Variants in HPSE2 observed in about 807,000 individuals in gnomAD.
HPSE2 encodes the protein heparanase 2 (inactive).
Under a neutral mutation model 60.5 loss-of-function variants are expected in HPSE2, and 38 were observed. The ratio of observed to expected loss-of-function variants is 0.63; its 90% confidence interval spans 0.48 to 0.82. The LOEUF is 0.82. Among genes scored for constraint, HPSE2 ranks in the 40% least tolerant of loss-of-function variants. The probability of loss-of-function intolerance (pLI) is 0.00; values close to 1 mark genes in which losing one functional copy is unlikely to be tolerated. For missense variants in HPSE2, 713 were observed against 740.4 expected, an observed-to-expected ratio of 0.96 and a Z score of 0.43; for synonymous variants, 295 against 293.2, an observed-to-expected ratio of 1.01 and a Z score of -0.06.
Position 98,936,746 on chromosome 10 carries a change from C to T in HPSE2, c.611-192690G>A, listed in dbSNP as rs766774847. On this transcript the variant is annotated intron_variant, in intron 3 of 11. Coordinates refer to ENST00000370552, the MANE Select transcript of HPSE2 (RefSeq NM_021828.5). Reference sequence around the variant, plus strand: ...CTGTAATCCCAGCACTTTGGGAGGCCGAGGTGGGTGGATTATGAGGTCAGA... The same window carrying T: ...CTGTAATCCCAGCACTTTGGGAGGCTGAGGTGGGTGGATTATGAGGTCAGA... Among the ~76,000 whole-genome samples, 7 of 142,162 alleles carry T rather than the reference C, an allele frequency of 4.9e-5. 2 individuals carry two copies. The highest frequency in any genetic ancestry group is 9.0e-5 in the Non-Finnish European group (6 of 66,792). The allele number at this position is 142,162 out of a possible 152,430, so 93.3% of individuals were successfully genotyped here.
intron 3 of HPSE2, among the ~76,000 whole-genome samples, chr10:98,837,225 C>T (rs192257303): frequency 6.6e-6 from 1 of 152,286 alleles, no homozygotes; most frequent in East Asian, 1.9e-4. Flanking sequence ...CATTAATACT[C>T]ATAGTTTGAA....
chr10:99,065,436 A>C (rs1842583567), intron 3 of HPSE2, among the ~76,000 whole-genome samples: 1 of 152,182 alleles, frequency 6.6e-6, no homozygotes, highest in Non-Finnish European at 1.5e-5. Context: ...AAAAAACAAA[A>C]CAAAACAAAG....
intron 3 of HPSE2, among the ~76,000 whole-genome samples, chr10:98,761,868 G>A (rs188743300): frequency 7.2e-5 from 11 of 152,192 alleles, no homozygotes; most frequent in Middle Eastern, 3.4e-3. Flanking sequence ...TGTGATAGGC[G>A]CTAAAAGTAG....
intron 3 of HPSE2, among the ~76,000 whole-genome samples, chr10:98,895,619 TA>T (rs1158020380): frequency 6.6e-6 from 1 of 152,048 alleles, no homozygotes; most frequent in East Asian, 1.9e-4. Context: ...CTGCCTTACT[TA>T]AAAACTCATG....
chr10:99,155,788 C>T (rs1265123293), intron 2 of HPSE2, among the ~76,000 whole-genome samples: 1 of 147,096 alleles, frequency 6.8e-6, no homozygotes, highest in South Asian at 2.2e-4. Flanking sequence ...ACACAAAAAA[C>T]CCTTCAAAAA....
intron 9 of HPSE2, among the ~76,000 whole-genome samples, chr10:98,512,755 G>C (rs1410688612): frequency 7.2e-6 from 1 of 138,850 alleles, no homozygotes; most frequent in East Asian, 2.2e-4. Context: ...GGGCCTTTCT[G>C]TTTCTCCACT....
intron 3 of HPSE2, among the ~76,000 whole-genome samples, chr10:98,879,612 A>C (rs1952966302): frequency 6.6e-6 from 1 of 151,898 alleles, no homozygotes; most frequent in Non-Finnish European, 1.5e-5. Flanking sequence ...ATAAATATGC[A>C]TTCTCTTATT....
chr10:98,764,246 T>G (rs1466376355), intron 3 of HPSE2, among the ~76,000 whole-genome samples: 1 of 152,112 alleles, frequency 6.6e-6, no homozygotes, highest in Non-Finnish European at 1.5e-5. Flanking sequence ...ATTAAAATAC[T>G]GCAAATGTAG....
chr10:99,126,877 C>T lies in HPSE2; in HGVS notation c.610+17361G>A, dbSNP rs73331969. On this transcript the variant is annotated intron_variant, in intron 3 of 11. Transcript: ENST00000370552. The surrounding 1 kb of genome is among the most constrained non-coding windows in gnomAD (Gnocchi z 4.0). ...GGAGCCTGGGAGCCCCACTTGATAG[C>T]GAGACCCAGAAGGGCAATAATGATC... Among the ~76,000 whole-genome samples, 2,515 of 152,150 alleles carry T rather than the reference C, an allele frequency of 0.017. 65 individuals carry two copies. The highest frequency in any genetic ancestry group is 0.057 in the African/African-American group (2,361 of 41,496).
At chr10:98,582,688 C>A (rs565819517) in intron 9 of HPSE2, among the ~76,000 whole-genome samples, 2 of 152,288 alleles carry the variant, frequency 1.3e-5, no homozygotes, top group Non-Finnish European at 2.9e-5. Context: ...TATGGCATAA[C>A]TGTCTCTATG....
intron 5 of HPSE2, among the ~76,000 whole-genome samples, chr10:98,711,512 C>G (rs1310757049): frequency 1.3e-5 from 2 of 152,118 alleles, no homozygotes; most frequent in Non-Finnish European, 2.9e-5. Flanking sequence ...AGACACTTAT[C>G]TGATTTGTGA....
At chr10:98,896,418 G>A (rs1035184800) in intron 3 of HPSE2, among the ~76,000 whole-genome samples, 1 of 152,166 alleles carries the variant, frequency 6.6e-6, no homozygotes, top group Non-Finnish European at 1.5e-5. Context: ...ACAGTAGACA[G>A]TGCAACAGGG....
chr10:98,957,936 G>A (rs1037763616), intron 3 of HPSE2, among the ~76,000 whole-genome samples: 5 of 152,206 alleles, frequency 3.3e-5, no homozygotes, highest in East Asian at 1.9e-4. Context: ...CTTCGGATTC[G>A]CCCAGATTTC....
chr10:98,463,639 C>CA (rs59883071), intron 11 of HPSE2, among the ~76,000 whole-genome samples: 3 of 150,794 alleles, frequency 2.0e-5, no homozygotes, highest in East Asian at 2.0e-4. Context: ...CCCATCTCTA[C>CA]AAAAAAATAA....
chr10:98,608,220 T>C (rs1945649254), intron 9 of HPSE2, among the ~76,000 whole-genome samples: 1 of 152,226 alleles, frequency 6.6e-6, no homozygotes, highest in East Asian at 1.9e-4. Context: ...TCCCTGTCTC[T>C]AACACCAGCA....
chr10:98,767,204 GAGA>G (rs1225328532), intron 3 of HPSE2, among the ~76,000 whole-genome samples: 2 of 152,052 alleles, frequency 1.3e-5, no homozygotes, highest in African/African-American at 4.8e-5. Context: ...TGTGTACAAG[GAGA>G]CAAGAACAAG....
intron 4 of HPSE2, among the ~76,000 whole-genome samples, chr10:98,739,448 TA>T (rs975170740): frequency 1.0e-3 from 140 of 135,972 alleles, no homozygotes; most frequent in Admixed American, 1.6e-3. Flanking sequence ...TCTGCACATG[TA>T]AAAAAAAAAA....
intron 9 of HPSE2, among the ~76,000 whole-genome samples, chr10:98,592,369 ATGTCT>A (rs1006183068): frequency 1.4e-4 from 21 of 152,310 alleles, no homozygotes; most frequent in African/African-American, 4.3e-4. Flanking sequence ...ATCACCCTAA[ATGTCT>A]TATAGTTTAC....
At chr10:98,905,420 T>C (rs1246089882) in intron 3 of HPSE2, among the ~76,000 whole-genome samples, 1 of 151,690 alleles carries the variant, frequency 6.6e-6, no homozygotes, top group Admixed American at 6.6e-5. Context: ...CAAGTACTTC[T>C]AATTGGAGCA....
Sources: allele counts gnomAD v4.1 joint callset (sites outside exome capture counted in the v4.1 genomes callset), GRCh38; gene constraint gnomAD v4.1.1; non-coding constraint Gnocchi (gnomAD v3.1); transcripts MANE v1.5; gene names NCBI Gene and HGNC (gene_info 2026-07-23, HGNC 2026-07-21).